Variants in TGM5 observed in about 807,000 individuals in gnomAD.
TGM5 encodes transglutaminase 5.
A neutral mutation model predicts 77.2 loss-of-function variants in TGM5; 69 were observed. The ratio of observed to expected loss-of-function variants is 0.89; its 90% CI spans 0.74 to 1.09. The LOEUF (loss-of-function observed/expected upper bound fraction) is 1.09. Among genes scored for constraint, TGM5 ranks in the 50% least tolerant of loss-of-function variants. The pLI, the probability that TGM5 is intolerant of heterozygous loss-of-function variation, is 0.00. For synonymous variants in TGM5, 346 were observed against 351.8 expected, an observed-to-expected ratio of 0.98 and a Z score of 0.18; for missense variants, 842 against 896.5, an observed-to-expected ratio of 0.94 and a Z score of 0.78.
intron 4 of TGM5, among the ~76,000 whole-genome samples, chr15:43,256,099 C>T (rs1267231231): frequency 6.6e-6 from 1 of 152,188 alleles, no homozygotes; most frequent in Non-Finnish European, 1.5e-5. Flanking sequence ...CATTGCTGCT[C>T]ATCAGCCCTG....
chr15:43,243,957 G>A (rs2042655339), intron 6 of TGM5, among the ~76,000 whole-genome samples: 1 of 152,170 alleles, frequency 6.6e-6, no homozygotes, highest in South Asian at 2.1e-4. Context: ...TAAGGTCACA[G>A]GGCAGGAAGA....
rs141180020 is a variant in TGM5 at position 43,235,578 on chromosome 15, C to G, written c.1605G>C (p.Gln535His). ...TCAGGTTCACTTTGAGGTCCTTGAA[C>G]TGGGAGGACATGTTGAGGGCCAGCA... is the stretch of plus-strand genomic sequence containing the variant. The part of the protein sequence containing the change: ...FVLLALNMSS[Q>H]FKDLKVNLSA... The change falls in exon 10 of 13, where the codon CAG (glutamine) becomes CAC (histidine). Residue 535 changes from glutamine (Q) to histidine (H), a missense_variant. Coordinates refer to ENST00000220420, the MANE Select transcript of TGM5 (RefSeq NM_201631.4). The G allele has an allele frequency of 1.6e-5, 26 of 1,614,214 alleles. No homozygotes were observed. The African/African-American group carries it at 2.4e-4, about 15-fold the overall frequency.
In TGM5 at chr15:43,239,017, T is replaced by A. The variant is rs773467707; in HGVS notation, c.1145A>T (p.Lys382Ile). Residue 382 changes from lysine (K) to isoleucine (I), a missense_variant, in exon 9 of 13, where the codon AAA becomes ATA. This residue lies in a region of TGM5 where 815 missense variants were observed against 844.6 expected (regional missense o/e 0.96). Transcript: ENST00000220420. ...CCGPASVRAI[K>I]EGEVDLNYDT... ...ATAGTTCAGGTCCACTTCTCCTTCT[T>A]TGATGGCTCTGACAGAGGCAGGGCC... The A allele has an allele frequency of 3.7e-6, 6 of 1,613,988 alleles. No homozygotes were observed. Among genetic ancestry groups the A allele is most frequent in the Non-Finnish European group, 5.1e-6 (6 of 1,180,026 alleles).
intron 4 of TGM5, among the ~76,000 whole-genome samples, chr15:43,254,899 A>G (rs2042732314): frequency 6.6e-6 from 1 of 152,068 alleles, no homozygotes; most frequent in African/African-American, 2.4e-5. Flanking sequence ...TTACATATTC[A>G]TGATAAGTGA....
chr15:43,241,235 A>C, intron 6 of TGM5: 1 of 558,476 alleles, frequency 1.8e-6, no homozygotes, highest in South Asian at 1.9e-5. Context: ...GAGCCAGTAA[A>C]GTCTAGCAAG....
chr15:43,234,803 A>G lies in TGM5; in HGVS notation c.1841T>C (p.Ile614Thr), dbSNP rs2042575188. 2 of 1,614,202 alleles carry G rather than the reference A, an allele frequency of 1.2e-6. No individual in the cohort carries two copies. The highest frequency in any genetic ancestry group is 4.5e-5 in the East Asian group (2 of 44,876). Residue 614 changes from isoleucine to threonine, a missense_variant, in exon 11 of 13, where the codon ATC becomes ACC. Ile to Thr is a moderately conservative substitution (Grantham distance 89). This residue lies in a region of TGM5 where 815 missense variants were observed against 844.6 expected (regional missense o/e 0.96). Transcript: ENST00000220420. ...GATGCTTGGATAAGATAAGGTGATG[A>G]TCTTGTTCACCAGGATTTTCTCAGG... is the stretch of plus-strand genomic sequence containing the variant. ...SSPEKILVNK[I>T]ITLSYPSITI...
chr15:43,239,913 A>T (rs569944086), intron 7 of TGM5, among the ~76,000 whole-genome samples: 1 of 152,200 alleles, frequency 6.6e-6, no homozygotes, highest in African/African-American at 2.4e-5. Context: ...CTGTGGTCAG[A>T]ACTGTTGGGA....
In TGM5 at chr15:43,233,054, A is replaced by G; in HGVS notation, c.*137T>C. ...GTGGAGTCAGGAGAGACAGAAAATGAACACGTCATCCCCTCTGTGGCTCTT... is the reference window on the plus strand; with the variant it reads ...GTGGAGTCAGGAGAGACAGAAAATGGACACGTCATCCCCTCTGTGGCTCTT... On this transcript the variant is annotated 3_prime_UTR_variant, in exon 13 of 13. Transcript: ENST00000220420. The G allele has an allele frequency of 9.3e-7, 1 of 1,074,770 alleles. No homozygotes were observed. Among genetic ancestry groups the G allele is most frequent in the Non-Finnish European group, 1.3e-6 (1 of 745,198 alleles). 66.6% of individuals were successfully genotyped at this position (1,074,770 alleles called of 1,614,324 possible). A position where few individuals can be genotyped will look rare whatever the true frequency, so the allele number is the denominator to read the frequency against.
chr15:43,235,537 A>G lies in TGM5; in HGVS notation c.1646T>C (p.Leu549Pro). 1 of 1,614,216 alleles carries G rather than the reference A, an allele frequency of 6.2e-7. No homozygotes were observed. The highest frequency in any genetic ancestry group is 8.5e-7 in the Non-Finnish European group (1 of 1,180,022). Residue 549 changes from leucine to proline, a missense_variant, in exon 10 of 13, where the codon CTG becomes CCG. By Grantham distance (98) the Leu-to-Pro change is moderately conservative. Coordinates refer to ENST00000220420, the MANE Select transcript of TGM5 (RefSeq NM_201631.4). ...TGGGGACAGGGGGCTGCCATCGTGC[A>G]GCAGAGACTGGGCACTCAGGTTCAC... is the stretch of plus-strand genomic sequence containing the variant. ...LKVNLSAQSL[L>P]HDGSPLSPFW...
chr15:43,249,867 T>TCAA (rs1004622339), intron 6 of TGM5, among the ~76,000 whole-genome samples: 28 of 152,212 alleles, frequency 1.8e-4, no homozygotes, highest in African/African-American at 6.3e-4. Context: ...AGTCAATGTG[T>TCAA]CAACGTGTTG....
intron 4 of TGM5, among the ~76,000 whole-genome samples, chr15:43,254,176 G>A (rs1226437688): frequency 6.6e-6 from 1 of 152,200 alleles, no homozygotes; most frequent in African/African-American, 2.4e-5. Context: ...CTTCAGACTT[G>A]GTGTGAATGC....
At chr15:43,241,883 G>T (rs1338470082) in intron 6 of TGM5, among the ~76,000 whole-genome samples, 1 of 151,684 alleles carries the variant, frequency 6.6e-6, no homozygotes, top group Admixed American at 6.6e-5. Flanking sequence ...CAAGTGATCC[G>T]CCTGCCTTGG....
At position 43,234,862 on chromosome 15, in the gene TGM5, G is replaced by T; in HGVS notation, c.1782C>A (p.Ile594=). ...TCTCTTCACCCAGGGCACTGATGCG[G>T]ATCAGCTTGTCTGTTGACAGGTACT... The part of the protein sequence containing the change: ...YSQYLSTDKL[I]RISALGEEKS... Residue 594 remains isoleucine (I), a synonymous_variant, in exon 11 of 13, where the codon ATC becomes ATA. Coordinates refer to ENST00000220420, the MANE Select transcript of TGM5 (RefSeq NM_201631.4). 9 of 1,614,228 alleles carry T rather than the reference G, an allele frequency of 5.6e-6. No homozygotes were observed. Among genetic ancestry groups the T allele is most frequent in the Non-Finnish European group, 6.8e-6 (8 of 1,180,032 alleles).
At chr15:43,253,918 A>T (rs2042725573) in intron 4 of TGM5, among the ~76,000 whole-genome samples, 1 of 151,972 alleles carries the variant, frequency 6.6e-6, no homozygotes, top group Non-Finnish European at 1.5e-5. Context: ...AGTGAGTCTG[A>T]CTGATTGAAA....
chr15:43,247,786 T>A (rs1015010538), intron 6 of TGM5: 8 of 152,008 alleles, frequency 5.3e-5, no homozygotes. Flanking sequence ...CCCTAAAAAA[T>A]AAACAAAAAT....
intron 5 of TGM5, 112 bp downstream of exon 5, chr15:43,253,394 A>G (rs1340293714): frequency 5.4e-6 from 8 of 1,491,020 alleles, no homozygotes; most frequent in Non-Finnish European, 7.3e-6. Flanking sequence ...AGTCTCATCC[A>G]AGATGGCTTT....
chr15:43,256,416 G>T lies in TGM5; in HGVS notation c.555+152C>A. The T allele has an allele frequency of 6.7e-6, 5 of 747,226 alleles. No individual in the cohort carries two copies. In the Admixed American group the frequency reaches 8.7e-5, roughly 13 times the overall value. The allele number at this position is 747,226 out of a possible 1,614,324, so 46.3% of individuals were successfully genotyped here. On this transcript the variant is annotated intron_variant, in intron 4 of 12. Transcript: ENST00000220420. ...AAAGGCCCTCCCACTCCCTATGGCT[G>T]CTCCTCGGGCAACCTGGGCTCACAA...
Position 43,260,553 on chromosome 15 carries a change from G to T in TGM5, c.37C>A (p.Gln13Lys). ...QGLEVALTDL[Q>K]SSRNNVRHHT... ...TGCCGCACATTATTTCTGGAGCTCT[G>T]GAGGTCTGTGAGGGCCACTTCTAGC... Residue 13 changes from glutamine (Q) to lysine (K), a missense_variant, in exon 2 of 13, where the codon CAG (glutamine) becomes AAG (lysine). Gln to Lys is a moderately conservative substitution (Grantham distance 53). Transcript: ENST00000220420. 6.2e-7 allele frequency: 1 copy of T among 1,614,108 alleles called. No homozygotes were observed. The highest frequency in any genetic ancestry group is 1.3e-5 in the African/African-American group (1 of 75,038).
chr15:43,243,604 A>C (rs575472856), intron 6 of TGM5, among the ~76,000 whole-genome samples: 1 of 152,326 alleles, frequency 6.6e-6, no homozygotes, highest in South Asian at 2.1e-4. Flanking sequence ...GAAGTCATGC[A>C]CATACATGTT....
Sources: gnomAD v4.1 joint callset for allele counts (sites outside exome capture counted in the v4.1 genomes callset) on GRCh38, gnomAD v4.1.1 for gene constraint, gnomAD v4.1.1 regional missense constraint, MANE v1.5 for transcripts, NCBI Gene and HGNC (gene_info 2026-07-23, HGNC 2026-07-21) for gene names.